The following ATP8A2 variants were observed in gnomAD, a reference collection of about 807,000 sequenced individuals.
The protein encoded by ATP8A2 is ATPase phospholipid transporting 8A2.
ATP8A2 carries 100 observed loss-of-function variants against 165.6 expected under a neutral mutation model. That is an observed-to-expected ratio of 0.60 (90% CI 0.51 to 0.71). The LOEUF (loss-of-function observed/expected upper bound fraction) is 0.71. Among genes scored for constraint, ATP8A2 ranks in the 30% least tolerant of loss-of-function variants. The pLI is 0.00. For synonymous variants in ATP8A2, 543 were observed against 548.8 expected (o/e 0.99, Z 0.15); for missense variants, 1,227 against 1,479.5 (o/e 0.83, Z 2.80).
At chr13:25,686,358 A>T (rs2042601685) in intron 24 of ATP8A2, among the ~76,000 whole-genome samples, 1 of 152,176 alleles carries the variant, frequency 6.6e-6, no homozygotes, top group African/African-American at 2.4e-5. Flanking sequence ...AGAAACTTAT[A>T]GCTGCCTTGG....
At chr13:25,706,233 G>T (rs916469925) in intron 25 of ATP8A2, among the ~76,000 whole-genome samples, 1 of 152,106 alleles carries the variant, frequency 6.6e-6, no homozygotes, top group African/African-American at 2.4e-5. Context: ...CAGTTTAGAG[G>T]TTATTTTGTG....
At position 25,413,346 on chromosome 13, in the gene ATP8A2, G is replaced by T. The variant is rs561606307; in HGVS notation, c.76+41058G>T. Among the ~76,000 whole-genome samples the T allele has an allele frequency of 5.8e-5, 8 of 137,296 alleles. No individual in the cohort carries two copies. The East Asian group carries it at 1.8e-3, about 32-fold the overall frequency. The allele number at this position is 137,296 out of a possible 152,430, so 90.1% of individuals were successfully genotyped here. A position where few individuals can be genotyped will look rare whatever the true frequency, so the allele number is the denominator to read the frequency against. ...GCCTTGGCTGGAGTGCATTGGCATG[G>T]TCTTGACTCACTGCAACATCCACCT... On this transcript the variant is annotated intron_variant, in intron 1 of 36. Coordinates refer to ENST00000381655, the MANE Select transcript of ATP8A2 (RefSeq NM_016529.6).
At chr13:25,702,497 C>T (rs1174493111) in intron 25 of ATP8A2, among the ~76,000 whole-genome samples, 1 of 152,108 alleles carries the variant, frequency 6.6e-6, no homozygotes, top group Admixed American at 6.5e-5. Flanking sequence ...GGGGTGTTGC[C>T]ATGTAATTAG....
chr13:25,488,750 A>ATTTATGGTGGTGTTTTTGTCC (rs2036428012), intron 2 of ATP8A2, among the ~76,000 whole-genome samples: 1 of 152,016 alleles, frequency 6.6e-6, no homozygotes, highest in African/African-American at 2.4e-5. Flanking sequence ...TCACACGGTC[A>ATTTATGGTGGTGTTTTTGTCC]TTTTTGGTGG....
chr13:25,823,524 C>T (rs1192200382), intron 27 of ATP8A2, among the ~76,000 whole-genome samples: 1 of 152,114 alleles, frequency 6.6e-6, no homozygotes, highest in African/African-American at 2.4e-5. Flanking sequence ...CTATCTTTTA[C>T]TAAAATTCCT....
rs564085036 is a variant in ATP8A2, at chr13:25,940,965, C to T, written c.3184-20610C>T. On this transcript the variant is annotated intron_variant, in intron 33 of 36. Coordinates refer to ENST00000381655, the MANE Select transcript of ATP8A2 (RefSeq NM_016529.6). ...AGGGCTGGGCACGTGCCATGGTGTG[C>T]GGTAGCAGAGTCCACGTGGCTCTTT... Among the ~76,000 whole-genome samples the T allele has an allele frequency of 3.9e-5, 6 of 152,310 alleles. No individual in the cohort carries two copies. The East Asian group carries it at 7.7e-4, about 20-fold the overall frequency.
At chr13:25,610,574 C>A (rs1264838547) in intron 24 of ATP8A2, among the ~76,000 whole-genome samples, 3 of 151,976 alleles carry the variant, frequency 2.0e-5, no homozygotes, top group Non-Finnish European at 4.4e-5. Context: ...GTTCTTTTTG[C>A]TTAGTCTTGC....
intron 17 of ATP8A2, 142 bp downstream of exon 17, chr13:25,571,014 G>A: frequency 1.7e-6 from 1 of 601,414 alleles, no homozygotes; most frequent in South Asian, 2.2e-5. Context: ...CCAGGCTGTG[G>A]CTACAGGTGC....
At chr13:25,651,049 A>G (rs2041799824) in intron 24 of ATP8A2, among the ~76,000 whole-genome samples, 1 of 152,156 alleles carries the variant, frequency 6.6e-6, no homozygotes. Context: ...GACTTAGTTT[A>G]TGTAAAGCTG....
chr13:25,795,758 G>A (rs1217478196), intron 27 of ATP8A2, among the ~76,000 whole-genome samples: 1 of 152,066 alleles, frequency 6.6e-6, no homozygotes, highest in African/African-American at 2.4e-5. Flanking sequence ...AATCTCCCTT[G>A]CCCAAGATAG....
At chr13:25,884,392 C>T (rs940991310) in intron 33 of ATP8A2, among the ~76,000 whole-genome samples, 5 of 152,164 alleles carry the variant, frequency 3.3e-5, no homozygotes, top group Admixed American at 3.3e-4. Flanking sequence ...CCCAAGTATT[C>T]AAGGGCCAAT....
intron 18 of ATP8A2, among the ~76,000 whole-genome samples, chr13:25,572,213 C>A (rs2039487262): frequency 6.6e-6 from 1 of 152,210 alleles, no homozygotes; most frequent in Non-Finnish European, 1.5e-5. Context: ...CGGCTCACTG[C>A]AACCTCTGCT....
chr13:25,830,113 A>G (rs1280646172), intron 28 of ATP8A2, among the ~76,000 whole-genome samples: 3 of 151,348 alleles, frequency 2.0e-5, no homozygotes, highest in African/African-American at 7.3e-5. Flanking sequence ...GGCTCAAGCA[A>G]TCCTCCCACC....
chr13:25,641,464 GACAA>G (rs1341855298), intron 24 of ATP8A2, among the ~76,000 whole-genome samples: 4 of 152,076 alleles, frequency 2.6e-5, no homozygotes, highest in Non-Finnish European at 5.9e-5. Flanking sequence ...ACCAATAACA[GACAA>G]ACAGAGAGCC....
chr13:25,672,276 G>A (rs2042282536), intron 24 of ATP8A2, among the ~76,000 whole-genome samples: 1 of 152,168 alleles, frequency 6.6e-6, no homozygotes, highest in African/African-American at 2.4e-5. Context: ...GCCCAAGGAT[G>A]TTCTGACTCC....
chr13:25,747,646 G>A (rs1230094187), intron 25 of ATP8A2, among the ~76,000 whole-genome samples: 2 of 152,118 alleles, frequency 1.3e-5, no homozygotes, highest in Non-Finnish European at 2.9e-5. Flanking sequence ...TACAATGCGT[G>A]GGGAGGGGTT....
At position 25,657,334 on chromosome 13, in the gene ATP8A2, C is replaced by G. The variant is rs1028007005; in HGVS notation, c.2212-41839C>G. On this transcript the variant is annotated intron_variant, in intron 24 of 36. Coordinates refer to ENST00000381655, the MANE Select transcript of ATP8A2 (RefSeq NM_016529.6). Reference sequence around the variant, plus strand: ...CATTGCTATACATCAGTGATCTCTTCCCTCCTGTCTCAGATACTGACTCTG... The same window carrying G: ...CATTGCTATACATCAGTGATCTCTTGCCTCCTGTCTCAGATACTGACTCTG... Among the ~76,000 whole-genome samples, 12 of 152,222 alleles carry G rather than the reference C, an allele frequency of 7.9e-5. 1 individual carries two copies. Among genetic ancestry groups the G allele is most frequent in the Admixed American group, 1.3e-4 (2 of 15,284 alleles).
Position 26,025,400 on chromosome 13 carries a change from TGTC to T in ATP8A2, c.*5418_*5420del, listed in dbSNP as rs1371049108. The T allele has an allele frequency of 1.3e-5, 2 of 152,354 alleles. No homozygotes were observed. Among genetic ancestry groups the T allele is most frequent in the African/African-American group, 4.8e-5 (2 of 41,544 alleles). The allele number at this position is 152,354 out of a possible 1,614,324, so 9.4% of individuals were successfully genotyped here. On this transcript the variant is annotated 3_prime_UTR_variant, in exon 37 of 37. Coordinates refer to ENST00000381655, the MANE Select transcript of ATP8A2 (RefSeq NM_016529.6). ...AGGATGGGGCTGCCGGTCACTGAAT[TGTC>T]GTTCAAATGCATCATCTTTGTGGCG...
At chr13:25,855,590 T>C (rs1952141037) in intron 30 of ATP8A2, among the ~76,000 whole-genome samples, 2 of 152,222 alleles carry the variant, frequency 1.3e-5, no homozygotes, top group Admixed American at 1.3e-4. Context: ...TTTTAAGCTA[T>C]TATGAATAAT....
Sources: allele counts gnomAD v4.1 joint callset (sites outside exome capture counted in the v4.1 genomes callset), GRCh38; gene constraint gnomAD v4.1.1; transcripts MANE v1.5; gene names NCBI Gene and HGNC (gene_info 2026-07-23, HGNC 2026-07-21).